Variants in MORN4 observed in about 807,000 individuals in gnomAD.
The protein encoded by MORN4 is MORN repeat containing 4.
In MORN4, 8 loss-of-function variants were observed where a neutral mutation model predicts 16.4. The observed-to-expected ratio is 0.49, with a 90% confidence interval of 0.29 to 0.88. MORN4 has a LOEUF of 0.88. Among genes scored for constraint, MORN4 ranks in the 40% least tolerant of loss-of-function variants. The pLI, the probability that MORN4 is intolerant of heterozygous loss-of-function variation, is 0.09. For synonymous variants in MORN4, 53 were observed against 68.9 expected, an observed-to-expected ratio of 0.77 and a Z score of 1.14; for missense variants, 159 against 182.9, an observed-to-expected ratio of 0.87 and a Z score of 0.75.
intron 1 of MORN4, among the ~76,000 whole-genome samples, chr10:97,627,957 C>T (rs1337778169): frequency 1.3e-5 from 2 of 152,202 alleles, no homozygotes; most frequent in African/African-American, 4.8e-5. Context: ...AACATGACTC[C>T]ATTGCAAATA....
In MORN4 at chr10:97,617,332, GAGA is replaced by G. The variant is rs768399598; in HGVS notation, c.68-13_68-11del. 29 of 1,612,248 alleles carry G rather than the reference GAGA, an allele frequency of 1.8e-5. 1 individual carries two copies. The highest frequency in any genetic ancestry group is 3.3e-4 in the Middle Eastern group (2 of 6,054). On this transcript the variant is annotated splice_polypyrimidine_tract_variant and intron_variant, in intron 2 of 4. Transcript: ENST00000307450. ...AAACCATGCCTGCGGCCTGAACAAA[GAGA>G]AGGATAGGTGTCAGGTTGGAAGGAG...
At chr10:97,619,046 C>T (rs566538895) in intron 2 of MORN4, among the ~76,000 whole-genome samples, 12 of 152,134 alleles carry the variant, frequency 7.9e-5, no homozygotes, top group East Asian at 1.9e-4. Context: ...TGGCATGGGC[C>T]GGGCATGGTG....
At chr10:97,620,225 G>A (rs549065736) in intron 1 of MORN4, among the ~76,000 whole-genome samples, 4 of 151,992 alleles carry the variant, frequency 2.6e-5, no homozygotes, top group East Asian at 2.0e-4. Flanking sequence ...AGTGGCTCAC[G>A]CCTGTAATCC....
chr10:97,631,240 CTACAGA>C (rs2041393059), intron 1 of MORN4, among the ~76,000 whole-genome samples: 1 of 152,126 alleles, frequency 6.6e-6, no homozygotes, highest in South Asian at 2.1e-4. Flanking sequence ...GGAGTTTAGG[CTACAGA>C]TACACCCATG....
chr10:97,616,335 T>A lies in MORN4; in HGVS notation c.369A>T (p.Arg123=), dbSNP rs3814555. 1 of 1,612,942 alleles carries A rather than the reference T, an allele frequency of 6.2e-7. No individual in the cohort carries two copies. Among genetic ancestry groups the A allele is most frequent in the East Asian group, 2.2e-5 (1 of 44,842 alleles). Residue 123 remains arginine (R), a synonymous_variant, in exon 5 of 5, where the codon CGA becomes CGT. Transcript: ENST00000307450. ...GAACAATGGCAGAACACTTCTCACG[T>A]CGCAGCAGCTTGTTGTTCTCAAAGA... ...EGLFENNKLL[R]REKCSAIVQR... is the part of the protein sequence containing the mutation.
At chr10:97,623,429 G>A (rs2041321131) in intron 1 of MORN4, among the ~76,000 whole-genome samples, 1 of 152,034 alleles carries the variant, frequency 6.6e-6, no homozygotes, top group Admixed American at 6.6e-5. Context: ...GACAGAGCGA[G>A]ACCCTGTCCC....
At position 97,633,460 on chromosome 10, in the gene MORN4, C is replaced by A. The variant is rs768375503; in HGVS notation, c.-144G>T. On this transcript the variant is annotated 5_prime_UTR_variant, in exon 1 of 5. Coordinates refer to ENST00000307450, the MANE Select transcript of MORN4 (RefSeq NM_178832.4). The surrounding 1 kb of genome is among the most constrained non-coding windows in gnomAD (Gnocchi z 4.5). ...CCTTGCTCTCCGCCACCTCCACCAGCGATTGCCCCACTTGACGCCGCCATC... is the reference window on the plus strand; with the variant it reads ...CCTTGCTCTCCGCCACCTCCACCAGAGATTGCCCCACTTGACGCCGCCATC... 2 of 1,289,770 alleles carry A rather than the reference C, an allele frequency of 1.6e-6. No homozygotes were observed. Among genetic ancestry groups the A allele is most frequent in the Non-Finnish European group, 2.0e-6 (2 of 988,898 alleles). 79.9% of individuals were successfully genotyped at this position (1,289,770 alleles called of 1,614,324 possible). A position where few individuals can be genotyped will look rare whatever the true frequency, so the allele number is the denominator to read the frequency against.
At chr10:97,620,006 G>GT (rs2041274202) in intron 1 of MORN4, among the ~76,000 whole-genome samples, 1 of 152,048 alleles carries the variant, frequency 6.6e-6, no homozygotes, top group Non-Finnish European at 1.5e-5. Context: ...ATAAAATACA[G>GT]TATCTTCCCT....
upstream of MORN4, chr10:97,633,621 C>T: frequency 7.8e-7 from 1 of 1,287,132 alleles, no homozygotes; most frequent in Non-Finnish European, 1.0e-6. The surrounding 1 kb of genome is among the most constrained non-coding windows in gnomAD (Gnocchi z 4.5). Context: ...CGAACCCGGG[C>T]TGACTATGTG....
Position 97,633,378 on chromosome 10 carries a change from C to G in MORN4, c.-62G>C. The G allele has an allele frequency of 7.8e-7, 1 of 1,289,914 alleles. No individual in the cohort carries two copies. Among genetic ancestry groups the G allele is most frequent in the Non-Finnish European group, 1.0e-6 (1 of 988,912 alleles). 79.9% of individuals were successfully genotyped at this position (1,289,914 alleles called of 1,614,324 possible). The stretch of plus-strand genomic sequence containing the variant: ...CCGGCCTTTCGGGATGACCGTCACG[C>G]CTGGACGCAGGGTTCCAGCGCCTCG... On this transcript the variant is annotated 5_prime_UTR_variant, in exon 1 of 5. Transcript: ENST00000307450. This position sits in a 1 kb window ranked among gnomAD's most constrained non-coding sequence, Gnocchi z 4.5.
chr10:97,633,281 T>G lies in MORN4; in HGVS notation c.-31+66A>C. ...CGAGCCGGGTCATCTCGTGCTCCGT[T>G]CCTCAGTGCCCACCTGACCGATCAC... On this transcript the variant is annotated intron_variant, in intron 1 of 4. Coordinates refer to ENST00000307450, the MANE Select transcript of MORN4 (RefSeq NM_178832.4). The surrounding 1 kb of genome is among the most constrained non-coding windows in gnomAD (Gnocchi z 4.5). 1 of 1,269,974 alleles carries G rather than the reference T, an allele frequency of 7.9e-7. No individual in the cohort carries two copies. The highest frequency in any genetic ancestry group is 5.6e-5 in the East Asian group (1 of 17,756). 78.7% of individuals were successfully genotyped at this position (1,269,974 alleles called of 1,614,324 possible). A position where few individuals can be genotyped will look rare whatever the true frequency, so the allele number is the denominator to read the frequency against.
At position 97,622,551 on chromosome 10, in the gene MORN4, C is replaced by A. The variant is rs1002297517; in HGVS notation, c.-30-2868G>T. ...AATTACAAAAAATCCAAAAATTAGC[C>A]GGGTGTGGTGGTGCGTTCCTGTAGT... On this transcript the variant is annotated intron_variant, in intron 1 of 4. Coordinates refer to ENST00000307450, the MANE Select transcript of MORN4 (RefSeq NM_178832.4). 3.3e-5 allele frequency among the ~76,000 whole-genome samples: 5 copies of A among 151,614 alleles called. No homozygotes were observed. In the South Asian group the frequency reaches 1.0e-3, roughly 32 times the overall value.
chr10:97,627,191 G>A (rs2041356100), intron 1 of MORN4, among the ~76,000 whole-genome samples: 1 of 151,694 alleles, frequency 6.6e-6, no homozygotes, highest in Admixed American at 6.6e-5. Context: ...TCACCCAGGT[G>A]GAAGTGCAGT....
chr10:97,629,925 ATTTTT>A (rs35892196), intron 1 of MORN4, among the ~76,000 whole-genome samples: 1 of 126,382 alleles, frequency 7.9e-6, no homozygotes, highest in Non-Finnish European at 1.6e-5. Context: ...CGCCCAGCTA[ATTTTT>A]TTTTTTTTTT....
At chr10:97,623,053 T>G (rs2041317671) in intron 1 of MORN4, among the ~76,000 whole-genome samples, 1 of 151,896 alleles carries the variant, frequency 6.6e-6, no homozygotes, top group Admixed American at 6.6e-5. Context: ...TCTAGCTACC[T>G]CCTCATCTTT....
chr10:97,621,256 C>G (rs1374558789), intron 1 of MORN4, among the ~76,000 whole-genome samples: 3 of 152,186 alleles, frequency 2.0e-5, no homozygotes, highest in Non-Finnish European at 4.4e-5. Flanking sequence ...CCTGACTATG[C>G]TAGTCCTTTT....
At chr10:97,623,892 C>T (rs561703030) in intron 1 of MORN4, among the ~76,000 whole-genome samples, 3 of 152,018 alleles carry the variant, frequency 2.0e-5, no homozygotes, top group Non-Finnish European at 2.9e-5. Flanking sequence ...CCCACCACGA[C>T]GCCCCACTAA....
At chr10:97,625,903 G>T (rs1224370902) in intron 1 of MORN4, among the ~76,000 whole-genome samples, 1 of 152,054 alleles carries the variant, frequency 6.6e-6, no homozygotes, top group African/African-American at 2.4e-5. Context: ...AAGTAGCTAG[G>T]ACTATAGGCA....
chr10:97,618,902 A>G (rs1326824076), intron 2 of MORN4, among the ~76,000 whole-genome samples: 1 of 150,288 alleles, frequency 6.7e-6, no homozygotes, highest in Non-Finnish European at 1.5e-5. Flanking sequence ...TGTGATCTTG[A>G]GTAAGTTACT....
Sources: gnomAD v4.1 joint callset for allele counts (sites outside exome capture counted in the v4.1 genomes callset) on GRCh38, gnomAD v4.1.1 for gene constraint, Gnocchi (gnomAD v3.1) non-coding constraint, MANE v1.5 for transcripts, NCBI Gene and HGNC (gene_info 2026-07-23, HGNC 2026-07-21) for gene names.